NALF1: variants seen among roughly 807,000 people sequenced by gnomAD.
The protein encoded by NALF1 is NALCN channel auxiliary factor 1, also known as family with sequence similarity 155 member A.
In NALF1, 3 loss-of-function variants were observed where a neutral mutation model predicts 48.4. That is an observed-to-expected ratio of 0.06 (90% CI 0.03 to 0.16). The LOEUF (loss-of-function observed/expected upper bound fraction) is 0.16, where lower values mean the gene tolerates loss of function less well. Among genes scored for constraint, NALF1 ranks in the 10% least tolerant of loss-of-function variants. NALF1 has a pLI of 1.00. For missense variants in NALF1, 526 were observed against 571.5 expected, an observed-to-expected ratio of 0.92 and a Z score of 0.81; for synonymous variants, 262 against 245.7, an observed-to-expected ratio of 1.07 and a Z score of -0.62.
At chr13:107,259,762 T>C (rs1361129632) in intron 1 of NALF1, among the ~76,000 whole-genome samples, 1 of 152,218 alleles carries the variant, frequency 6.6e-6, no homozygotes, top group Non-Finnish European at 1.5e-5. Context: ...GTTTCTCACT[T>C]AGCACCTATG....
At chr13:107,695,450 A>AT (rs551750667) in intron 1 of NALF1, among the ~76,000 whole-genome samples, 1,801 of 152,282 alleles carry the variant, frequency 0.012, 25 homozygotes, top group Non-Finnish European at 0.018. Flanking sequence ...CCTGTCATGT[A>AT]TTTTTTTCAA....
intron 1 of NALF1, among the ~76,000 whole-genome samples, chr13:107,831,739 T>C (rs989366136): frequency 6.6e-6 from 1 of 152,194 alleles, no homozygotes; most frequent in African/African-American, 2.4e-5. Context: ...AACAAGATGT[T>C]TGCGCGTATT....
intron 2 of NALF1, among the ~76,000 whole-genome samples, chr13:107,176,316 GTTTTTT>G (rs5806633): frequency 2.4e-5 from 3 of 123,606 alleles, no homozygotes; most frequent in Non-Finnish European, 3.3e-5. Context: ...CAACCTCACA[GTTTTTT>G]TTTTTTTTTT....
chr13:107,434,107 A>G lies in NALF1; in HGVS notation c.916-223352T>C, dbSNP rs138817890. ...AAGATGAAGTAAATTGACTAAGGGC[A>G]TAGCCAATTTGAGAATTCTACAACT... On this transcript the variant is annotated intron_variant, in intron 1 of 2. Transcript: ENST00000375915. Among the ~76,000 whole-genome samples, 1,026 of 152,346 alleles carry G rather than the reference A, an allele frequency of 6.7e-3. 13 individuals are homozygous for G. Among genetic ancestry groups the G allele is most frequent in the African/African-American group, 0.024 (994 of 41,582 alleles).
At chr13:107,272,198 T>G in intron 1 of NALF1, among the ~76,000 whole-genome samples, 1 of 24,612 alleles carries the variant, frequency 4.1e-5, no homozygotes, top group Non-Finnish European at 1.1e-4. Flanking sequence ...CCTTAGAATT[T>G]TTTTTTTTTT....
chr13:107,669,545 T>C (rs1277163917), intron 1 of NALF1, among the ~76,000 whole-genome samples: 8 of 152,252 alleles, frequency 5.3e-5, no homozygotes, highest in African/African-American at 1.9e-4. Flanking sequence ...ACGGAGCCAC[T>C]GGGAGAACAA....
chr13:107,824,985 A>C (rs1232192078), intron 1 of NALF1, among the ~76,000 whole-genome samples: 1 of 152,212 alleles, frequency 6.6e-6, no homozygotes, highest in Non-Finnish European at 1.5e-5. Context: ...CCACGAATCT[A>C]GTAGCTACAA....
At chr13:107,262,767 G>GTGCTCTCTCTCT (rs1555329316) in intron 1 of NALF1, among the ~76,000 whole-genome samples, 1 of 43,024 alleles carries the variant, frequency 2.3e-5, no homozygotes, top group African/African-American at 8.2e-5. Flanking sequence ...TAACCCACAG[G>GTGCTCTCTCTCT]CGCTCTCTCT....
intron 1 of NALF1, among the ~76,000 whole-genome samples, chr13:107,597,114 T>C (rs1393561427): frequency 2.0e-5 from 3 of 152,198 alleles, no homozygotes; most frequent in Admixed American, 1.3e-4. Context: ...TTACGTTTCA[T>C]ACATGCCCTC....
intron 1 of NALF1, among the ~76,000 whole-genome samples, chr13:107,469,733 C>CTTGTTTTTTTT (rs1885066205): frequency 1.3e-5 from 1 of 79,956 alleles, no homozygotes; most frequent in Non-Finnish European, 2.2e-5. Context: ...AACTGTGTAT[C>CTTGTTTTTTTT]TTTTTTTTTT....
chr13:107,481,883 GC>G (rs1166734412), intron 1 of NALF1, among the ~76,000 whole-genome samples: 9 of 152,156 alleles, frequency 5.9e-5, no homozygotes, highest in Non-Finnish European at 1.2e-4. Flanking sequence ...AATATCATAA[GC>G]TTTAGTAGAA....
intron 1 of NALF1, among the ~76,000 whole-genome samples, chr13:107,318,828 T>G (rs1476351149): frequency 1.3e-5 from 2 of 152,092 alleles, no homozygotes; most frequent in Non-Finnish European, 2.9e-5. Context: ...ATGGTTTAGG[T>G]AAAATTCATA....
intron 1 of NALF1, among the ~76,000 whole-genome samples, chr13:107,796,072 G>A (rs968315245): frequency 6.6e-6 from 1 of 152,094 alleles, no homozygotes; most frequent in African/African-American, 2.4e-5. Context: ...TGATGGTTAA[G>A]GCATTTTTTA....
At chr13:107,509,400 G>A (rs958726296) in intron 1 of NALF1, among the ~76,000 whole-genome samples, 1 of 152,070 alleles carries the variant, frequency 6.6e-6, no homozygotes, top group African/African-American at 2.4e-5. Context: ...GTTTCCTGGA[G>A]CCAAACTCTC....
intron 1 of NALF1, among the ~76,000 whole-genome samples, chr13:107,360,147 G>A (rs1187489386): frequency 2.6e-5 from 4 of 152,134 alleles, no homozygotes; most frequent in Non-Finnish European, 4.4e-5. Flanking sequence ...GAAAATAAAT[G>A]TAGGCACTTG....
At chr13:107,647,101 C>T (rs1030801029) in intron 1 of NALF1, among the ~76,000 whole-genome samples, 1 of 151,872 alleles carries the variant, frequency 6.6e-6, no homozygotes, top group East Asian at 1.9e-4. Flanking sequence ...TGGTTAAATA[C>T]ATGATATTAT....
At chr13:107,616,120 T>G (rs1217719303) in intron 1 of NALF1, among the ~76,000 whole-genome samples, 1 of 152,180 alleles carries the variant, frequency 6.6e-6, no homozygotes, top group African/African-American at 2.4e-5. Context: ...GATGTGAAAT[T>G]AATACCTGCA....
intron 1 of NALF1, among the ~76,000 whole-genome samples, chr13:107,400,448 G>GGA (rs1463389587): frequency 6.6e-6 from 1 of 152,056 alleles, no homozygotes; most frequent in Non-Finnish European, 1.5e-5. Context: ...GGGCGTGATG[G>GGA]TTCACACCTG....
chr13:107,496,299 A>C (rs1394163038), intron 1 of NALF1, among the ~76,000 whole-genome samples: 1 of 152,202 alleles, frequency 6.6e-6, no homozygotes, highest in African/African-American at 2.4e-5. Context: ...CCTGAATGAC[A>C]AACAGCTGGT....
Sources: allele counts gnomAD v4.1 joint callset (sites outside exome capture counted in the v4.1 genomes callset), GRCh38; gene constraint gnomAD v4.1.1; transcripts MANE v1.5; gene names NCBI Gene and HGNC (gene_info 2026-07-23, HGNC 2026-07-21).